The following CAST variants were observed in gnomAD, a reference collection of about 807,000 sequenced individuals.
The protein encoded by CAST is calpastatin, also known as MIR583 host.
Under a neutral mutation model 119.6 loss-of-function variants are expected in CAST, and 76 were observed. The observed-to-expected ratio is 0.64, with a 90% CI of 0.53 to 0.77. The LOEUF is 0.77. Among genes scored for constraint, CAST ranks in the 30% least tolerant of loss-of-function variants. CAST has a pLI of 0.00. For missense variants in CAST, 953 were observed against 946.5 expected, an observed-to-expected ratio of 1.01 and a Z score of -0.09; for synonymous variants, 319 against 331.6, an observed-to-expected ratio of 0.96 and a Z score of 0.41.
At chr5:96,751,835 A>G (rs1765131069) in intron 20 of CAST, among the ~76,000 whole-genome samples, 1 of 152,180 alleles carries the variant, frequency 6.6e-6, no homozygotes, top group Non-Finnish European at 1.5e-5. Context: ...CTGACTGTAG[A>G]GCTGAGCATT....
At chr5:96,693,667 T>C (rs562769094) in intron 2 of CAST, among the ~76,000 whole-genome samples, 1 of 152,380 alleles carries the variant, frequency 6.6e-6, no homozygotes, top group South Asian at 2.1e-4. Flanking sequence ...CTTGTCTTTA[T>C]GTCTTACGTC....
the CAST span, among the ~76,000 whole-genome samples, chr5:96,306,954 T>A: frequency 6.6e-6 from 1 of 152,242 alleles, no homozygotes; most frequent in African/African-American, 2.4e-5. Context: ...GTTCTGTAGA[T>A]GTCTATTAGG....
At chr5:96,689,263 T>A (rs1345031817) in intron 2 of CAST, among the ~76,000 whole-genome samples, 1 of 152,192 alleles carries the variant, frequency 6.6e-6, no homozygotes, top group African/African-American at 2.4e-5. Context: ...GTAGGGACAA[T>A]CTTATCAAGT....
the CAST span, among the ~76,000 whole-genome samples, chr5:95,992,642 A>T: frequency 6.6e-6 from 1 of 152,220 alleles, no homozygotes; most frequent in Admixed American, 6.5e-5. Flanking sequence ...GAAAGAAGAC[A>T]TTCATGGAAA....
chr5:96,391,471 A>G, the CAST span: 46,261 of 152,102 alleles, frequency 0.3, 7,246 homozygotes, highest in African/African-American at 0.37. Context: ...TAAATGAATT[A>G]GTATTAGTGA....
intron 24 of CAST, among the ~76,000 whole-genome samples, chr5:96,758,204 G>A (rs955735700): frequency 3.9e-5 from 6 of 152,112 alleles, no homozygotes; most frequent in Non-Finnish European, 2.9e-5. Context: ...GAATTTAAAT[G>A]TAAGCTTATC....
chr5:96,545,719 C>T (rs189817725), intron 1 of CAST, among the ~76,000 whole-genome samples: 3 of 152,278 alleles, frequency 2.0e-5, no homozygotes, highest in East Asian at 1.9e-4. Context: ...TCACCATGAC[C>T]GCTTATTTCA....
chr5:96,766,565 C>G (rs114656943), intron 27 of CAST, among the ~76,000 whole-genome samples: 1 of 152,208 alleles, frequency 6.6e-6, no homozygotes, highest in African/African-American at 2.4e-5. Flanking sequence ...CTGGGGTCTC[C>G]CTATCTTCTC....
At chr5:96,610,944 G>C (rs1189492088) in intron 1 of CAST, among the ~76,000 whole-genome samples, 2 of 151,778 alleles carry the variant, frequency 1.3e-5, no homozygotes, top group African/African-American at 4.8e-5. Context: ...ACACACACAC[G>C]CACAGTTAGG....
At chr5:96,050,233 C>T in the CAST span, 2 of 152,402 alleles carry the variant, frequency 1.3e-5, no homozygotes, top group Admixed American at 1.3e-4. Flanking sequence ...GAATTGCCCT[C>T]TGTTCTTTCA....
chr5:96,665,776 A>G (rs1749255167), intron 1 of CAST, among the ~76,000 whole-genome samples: 1 of 151,928 alleles, frequency 6.6e-6, no homozygotes, highest in Non-Finnish European at 1.5e-5. Flanking sequence ...ATACACACAT[A>G]CAAACATATA....
At chr5:96,617,123 A>G (rs1239120442) in intron 1 of CAST, among the ~76,000 whole-genome samples, 2 of 152,192 alleles carry the variant, frequency 1.3e-5, no homozygotes, top group Admixed American at 1.3e-4. Context: ...TTATTTAAAA[A>G]TTCCCAAGTT....
At chr5:96,419,616 T>C in the CAST span, among the ~76,000 whole-genome samples, 1 of 151,728 alleles carries the variant, frequency 6.6e-6, no homozygotes, top group Non-Finnish European at 1.5e-5. Context: ...AGTCTGCTCT[T>C]AACTGTTGGG....
At chr5:96,416,562 C>T in the CAST span, among the ~76,000 whole-genome samples, 1 of 152,176 alleles carries the variant, frequency 6.6e-6, no homozygotes, top group African/African-American at 2.4e-5. Flanking sequence ...ACTTTTCTCC[C>T]TAGTGACTGC....
At chr5:96,434,816 C>T in the CAST span, among the ~76,000 whole-genome samples, 26 of 152,128 alleles carry the variant, frequency 1.7e-4, no homozygotes, top group Non-Finnish European at 3.8e-4. Context: ...TTTTCATTTG[C>T]CTCCACGTTT....
At chr5:96,189,566 TA>T in the CAST span, among the ~76,000 whole-genome samples, 3 of 152,196 alleles carry the variant, frequency 2.0e-5, no homozygotes, top group Non-Finnish European at 4.4e-5. Flanking sequence ...TGCAAAAAAG[TA>T]ATTTACTTTC....
the CAST span, among the ~76,000 whole-genome samples, chr5:96,203,890 T>C: frequency 1.3e-5 from 2 of 151,984 alleles, no homozygotes; most frequent in African/African-American, 4.8e-5. Context: ...TTGGTGAAAC[T>C]GATGGAGGTT....
the CAST span, among the ~76,000 whole-genome samples, chr5:95,967,768 T>C: frequency 6.6e-6 from 1 of 152,202 alleles, no homozygotes; most frequent in African/African-American, 2.4e-5. Flanking sequence ...CAATTAAACC[T>C]CTTACCTTTA....
chr5:96,267,708 C>G, the CAST span, among the ~76,000 whole-genome samples: 1 of 152,108 alleles, frequency 6.6e-6, no homozygotes, highest in African/African-American at 2.4e-5. Context: ...AAAAATCCCA[C>G]TAATGTGCAA....
Sources: allele counts gnomAD v4.1 joint callset (sites outside exome capture counted in the v4.1 genomes callset), GRCh38; gene constraint gnomAD v4.1.1; transcripts MANE v1.5; gene names NCBI Gene and HGNC (gene_info 2026-07-23, HGNC 2026-07-21).